The following SH3BP4 variants were observed in gnomAD, a reference collection of about 807,000 sequenced individuals.
SH3BP4 encodes the protein SH3 domain-binding protein 4.
Under a neutral mutation model 65.5 loss-of-function variants are expected in SH3BP4, and 33 were observed. The ratio of observed to expected loss-of-function variants is 0.50; its 90% CI spans 0.38 to 0.67. The LOEUF is 0.67. Ranked by LOEUF, SH3BP4 falls within the 30% of genes least tolerant of loss-of-function variation. The probability of loss-of-function intolerance (pLI) is 0.00; values close to 1 mark genes in which losing one functional copy is unlikely to be tolerated. For synonymous variants in SH3BP4, 552 were observed against 545.5 expected (o/e 1.01, Z -0.17); for missense variants, 1,134 against 1,261.4 (o/e 0.90, Z 1.53).
At chr2:234,959,374 C>CAGAG (rs35989295) in intron 1 of SH3BP4, among the ~76,000 whole-genome samples, 11 of 150,638 alleles carry the variant, frequency 7.3e-5, no homozygotes, top group Admixed American at 2.6e-4. Context: ...AAAGAGCTGG[C>CAGAG]AGAGAGAGAG....
intron 2 of SH3BP4, among the ~76,000 whole-genome samples, chr2:235,006,680 G>C (rs76326064): frequency 1.3e-5 from 2 of 152,116 alleles, no homozygotes; most frequent in African/African-American, 4.8e-5. Flanking sequence ...TGGGCTCTCC[G>C]ATGAGACTGG....
chr2:235,010,148 G>A (rs1345862160), intron 2 of SH3BP4, among the ~76,000 whole-genome samples: 2 of 152,080 alleles, frequency 1.3e-5, no homozygotes, highest in Non-Finnish European at 2.9e-5. Flanking sequence ...TCCCCATGGT[G>A]CACACGGCCC....
chr2:234,966,131 C>A (rs1228439737), intron 1 of SH3BP4, among the ~76,000 whole-genome samples: 2 of 152,180 alleles, frequency 1.3e-5, no homozygotes. Flanking sequence ...GTAATCCCAA[C>A]ACTTTGGGAG....
At chr2:234,998,114 C>T (rs1204639776) in intron 2 of SH3BP4, among the ~76,000 whole-genome samples, 1 of 151,954 alleles carries the variant, frequency 6.6e-6, no homozygotes. Flanking sequence ...CAGAGCGAGA[C>T]TCCATCTCCA....
intron 2 of SH3BP4, among the ~76,000 whole-genome samples, chr2:234,999,888 C>T (rs1694044812): frequency 6.6e-6 from 1 of 152,264 alleles, no homozygotes; most frequent in Non-Finnish European, 1.5e-5. Context: ...CCAGCACATA[C>T]CTGGCCCAGG....
At chr2:235,028,732 G>A (rs1336342810) in intron 2 of SH3BP4, among the ~76,000 whole-genome samples, 2 of 152,176 alleles carry the variant, frequency 1.3e-5, no homozygotes, top group African/African-American at 4.8e-5. Context: ...AGAGGATGGG[G>A]TGAGGGCCGG....
At chr2:234,970,346 A>G (rs1007058692) in intron 1 of SH3BP4, among the ~76,000 whole-genome samples, 2 of 152,214 alleles carry the variant, frequency 1.3e-5, no homozygotes, top group Non-Finnish European at 2.9e-5. Context: ...GGTTAAAGAT[A>G]CTGCTCAGGT....
chr2:234,972,542 T>C (rs1693032443), intron 1 of SH3BP4, among the ~76,000 whole-genome samples: 1 of 151,820 alleles, frequency 6.6e-6, no homozygotes, highest in Admixed American at 6.6e-5. Context: ...ATGGGCAACA[T>C]AGTGAAACCC....
intron 2 of SH3BP4, among the ~76,000 whole-genome samples, chr2:235,000,779 C>T (rs530644396): frequency 6.6e-6 from 1 of 152,314 alleles, no homozygotes; most frequent in Admixed American, 6.5e-5. Context: ...GGACTTGTGC[C>T]GGGTCCTACC....
rs1693106842 is a variant in SH3BP4 at position 234,974,385 on chromosome 2, GAGAA to G, written c.-206-20914_-206-20911del. ...TCTAAAAAAAAATAAATAAATAAAAGAGAAAGAGAGATTTGTGAAGGTCATGAGT... is the reference window on the plus strand; with the variant it reads ...TCTAAAAAAAAATAAATAAATAAAAGAGAGAGATTTGTGAAGGTCATGAGT... On this transcript the variant is annotated intron_variant, in intron 1 of 5. Transcript: ENST00000392011. The surrounding 1 kb of genome is among the most constrained non-coding windows in gnomAD (Gnocchi z 4.6). 2.0e-5 allele frequency among the ~76,000 whole-genome samples: 3 copies of G among 148,618 alleles called. No homozygotes were observed. The highest frequency in any genetic ancestry group is 6.6e-5 in the Admixed American group (1 of 15,142).
At position 234,982,270 on chromosome 2, in the gene SH3BP4, T is replaced by C. The variant is rs111983722; in HGVS notation, c.-206-13033T>C. Reference sequence around the variant, plus strand: ...GCATCGCTGGCACCAGGTGGGCTATTGGCACCAGTGGGCACACCTGTGGCT... The same window carrying C: ...GCATCGCTGGCACCAGGTGGGCTATCGGCACCAGTGGGCACACCTGTGGCT... On this transcript the variant is annotated intron_variant, in intron 1 of 5. Coordinates refer to ENST00000392011, the MANE Select transcript of SH3BP4 (RefSeq NM_014521.3). Among the ~76,000 whole-genome samples, 956 of 152,194 alleles carry C rather than the reference T, an allele frequency of 6.3e-3. 6 individuals are homozygous for C. Among genetic ancestry groups the C allele is most frequent in the Middle Eastern group, 0.01 (3 of 294 alleles).
chr2:234,964,735 G>A (rs560952125), intron 1 of SH3BP4, among the ~76,000 whole-genome samples: 3 of 152,262 alleles, frequency 2.0e-5, no homozygotes, highest in Non-Finnish European at 2.9e-5. Flanking sequence ...GAGGGATTCC[G>A]GGGCAGGTGG....
Position 234,976,047 on chromosome 2 carries a change from G to A in SH3BP4, c.-206-19256G>A, listed in dbSNP as rs1574783745. Among the ~76,000 whole-genome samples, 1 of 152,130 alleles carries A rather than the reference G, an allele frequency of 6.6e-6. No individual in the cohort carries two copies. Among genetic ancestry groups the A allele is most frequent in the African/African-American group, 2.4e-5 (1 of 41,412 alleles). ...AGAAACTGAGCTCTCCAAATTGAAC[G>A]AGGACCCCAGAACACGGGAGTCTGT... On this transcript the variant is annotated intron_variant, in intron 1 of 5. Transcript: ENST00000392011. This position sits in a 1 kb window ranked among gnomAD's most constrained non-coding sequence, Gnocchi z 4.7.
At chr2:235,009,073 T>C (rs1396701294) in intron 2 of SH3BP4, among the ~76,000 whole-genome samples, 1 of 152,238 alleles carries the variant, frequency 6.6e-6, no homozygotes. Context: ...AGCTGAGAGC[T>C]TAATGTTCAT....
chr2:235,048,884 C>CA lies in SH3BP4; in HGVS notation c.2479-3677dup, dbSNP rs1172155861. Among the ~76,000 whole-genome samples the CA allele has an allele frequency of 4.6e-5, 7 of 152,288 alleles. No homozygotes were observed. In the South Asian group the frequency reaches 1.2e-3, roughly 27 times the overall value. ...TTGAAACCAGGGTAGTGCAGCAGTC[C>CA]ATCGAGTGTTTCCTGGTGTACCTGT... On this transcript the variant is annotated intron_variant, in intron 4 of 5. Coordinates refer to ENST00000392011, the MANE Select transcript of SH3BP4 (RefSeq NM_014521.3).
rs748285305 is a variant in SH3BP4 at position 235,055,154 on chromosome 2, T to G, written c.*1338T>G. ...AGGGAGCAGGAGGAAGGACTGATAC[T>G]GGCAAATCAGTAGAGTGAGGTGATC... On this transcript the variant is annotated 3_prime_UTR_variant, in exon 6 of 6. Coordinates refer to ENST00000392011, the MANE Select transcript of SH3BP4 (RefSeq NM_014521.3). The G allele has an allele frequency of 7.2e-5, 11 of 152,342 alleles. No individual in the cohort carries two copies. Among genetic ancestry groups the G allele is most frequent in the Admixed American group, 2.6e-4 (4 of 15,296 alleles). The allele number at this position is 152,342 out of a possible 1,614,324, so 9.4% of individuals were successfully genotyped here.
rs900998930 is a variant in SH3BP4 at position 234,952,982 on chromosome 2, G to C, written c.-207+812G>C. The C allele has an allele frequency of 6.6e-6, 1 of 152,272 alleles. No homozygotes were observed. The highest frequency in any genetic ancestry group is 2.4e-5 in the African/African-American group (1 of 41,472). 9.4% of individuals were successfully genotyped at this position (152,272 alleles called of 1,614,324 possible). A position where few individuals can be genotyped will look rare whatever the true frequency, so the allele number is the denominator to read the frequency against. The stretch of plus-strand genomic sequence containing the variant: ...GGGACAGGCCCAGCTGGCCCTGACC[G>C]GGTGTCGGGCGCCCAGAGATGCCGC... On this transcript the variant is annotated intron_variant, in intron 1 of 5. Transcript: ENST00000392011. This position sits in a 1 kb window ranked among gnomAD's most constrained non-coding sequence, Gnocchi z 6.5.
intron 2 of SH3BP4, among the ~76,000 whole-genome samples, chr2:235,013,287 G>A (rs1261213834): frequency 1.3e-5 from 2 of 152,142 alleles, no homozygotes; most frequent in African/African-American, 4.8e-5. Context: ...CTGTGCAGAA[G>A]GTCCAGCCCG....
chr2:234,975,875 C>CA (rs1384851897), intron 1 of SH3BP4, among the ~76,000 whole-genome samples: 2 of 151,636 alleles, frequency 1.3e-5, no homozygotes, highest in Non-Finnish European at 2.9e-5. Flanking sequence ...GACCCTCTCT[C>CA]AAAAAAAATA....
Sources: gnomAD v4.1 joint callset for allele counts (sites outside exome capture counted in the v4.1 genomes callset) on GRCh38, gnomAD v4.1.1 for gene constraint, Gnocchi (gnomAD v3.1) non-coding constraint, MANE v1.5 for transcripts, NCBI Gene and HGNC (gene_info 2026-07-23, HGNC 2026-07-21) for gene names.